ADCY9: variants seen among roughly 807,000 people sequenced by gnomAD.
ADCY9 encodes adenylate cyclase 9.
A neutral mutation model predicts 101.5 loss-of-function variants in ADCY9; 50 were observed. The ratio of observed to expected loss-of-function variants is 0.49; its 90% CI spans 0.39 to 0.62. ADCY9 has a LOEUF of 0.62. Among genes scored for constraint, ADCY9 ranks in the 20% least tolerant of loss-of-function variants. ADCY9 has a pLI of 0.00. For missense variants in ADCY9, 1,662 were observed against 1,800.4 expected, an observed-to-expected ratio of 0.92 and a Z score of 1.39; for synonymous variants, 905 against 769.3, an observed-to-expected ratio of 1.18 and a Z score of -2.92.
intron 3 of ADCY9, among the ~76,000 whole-genome samples, chr16:3,995,781 A>T (rs1453603683): frequency 6.6e-6 from 1 of 152,208 alleles, no homozygotes; most frequent in African/African-American, 2.4e-5. Flanking sequence ...TACTATATTA[A>T]ATAAAAGAAA....
At chr16:4,071,021 G>A (rs1239795708) in intron 2 of ADCY9, among the ~76,000 whole-genome samples, 3 of 151,612 alleles carry the variant, frequency 2.0e-5, no homozygotes, top group Non-Finnish European at 4.4e-5. Context: ...CCATCAAAGA[G>A]GCGGGGTTAC....
intron 2 of ADCY9, among the ~76,000 whole-genome samples, chr16:4,039,661 A>G (rs1237387339): frequency 6.7e-6 from 1 of 148,866 alleles, no homozygotes; most frequent in Non-Finnish European, 1.5e-5. Context: ...CCTGGGCAAC[A>G]AGAGTGAAAC....
rs2057054845 is a variant in ADCY9, at chr16:4,103,191, C to T, written c.1693+10559G>A. The stretch of plus-strand genomic sequence containing the variant: ...GACAACTCCAATTGGCGTTGTTTCA[C>T]ACACATGAGAATGCGTGTTTGGGTG... On this transcript the variant is annotated intron_variant, in intron 2 of 10. Coordinates refer to ENST00000294016, the MANE Select transcript of ADCY9 (RefSeq NM_001116.4). 3.3e-5 allele frequency among the ~76,000 whole-genome samples: 5 copies of T among 152,220 alleles called. No homozygotes were observed. The South Asian group carries it at 1.0e-3, about 31-fold the overall frequency.
intron 8 of ADCY9, 74 bp from the exon 9 acceptor site, chr16:3,977,704 A>T (rs1044862149): frequency 1.3e-6 from 2 of 1,514,806 alleles, no homozygotes; most frequent in Non-Finnish European, 1.8e-6. Flanking sequence ...CCGCCAAAAC[A>T]TTCGCCACTA....
chr16:4,052,345 G>A (rs1260677186), intron 2 of ADCY9, among the ~76,000 whole-genome samples: 1 of 152,168 alleles, frequency 6.6e-6, no homozygotes, highest in Non-Finnish European at 1.5e-5. Flanking sequence ...CCTGATTTGG[G>A]CAGGTCGGTG....
chr16:3,962,412 T>C (rs2055945590), downstream of ADCY9, among the ~76,000 whole-genome samples: 1 of 152,338 alleles, frequency 6.6e-6, no homozygotes, highest in South Asian at 2.1e-4. Context: ...TAAAAAATTC[T>C]GTGTAAAAAT....
chr16:4,097,057 T>C (rs543235648), intron 2 of ADCY9, among the ~76,000 whole-genome samples: 1 of 152,252 alleles, frequency 6.6e-6, no homozygotes, highest in East Asian at 1.9e-4. Context: ...AAGATAAATA[T>C]ACTTCTTGAA....
intron 2 of ADCY9, among the ~76,000 whole-genome samples, chr16:4,074,604 C>A (rs2056855290): frequency 6.7e-6 from 1 of 150,262 alleles, no homozygotes; most frequent in African/African-American, 2.4e-5. Flanking sequence ...ATATTCCCAG[C>A]TACTTGGGCG....
intron 2 of ADCY9, among the ~76,000 whole-genome samples, chr16:4,021,593 C>A (rs969717445): frequency 1.3e-5 from 2 of 152,342 alleles, no homozygotes; most frequent in South Asian, 4.1e-4. Flanking sequence ...AAACGCCTGC[C>A]CCCTGCTTCT....
chr16:4,068,784 T>A (rs1054585824), intron 2 of ADCY9, among the ~76,000 whole-genome samples: 1 of 148,032 alleles, frequency 6.8e-6, no homozygotes, highest in Non-Finnish European at 1.5e-5. Flanking sequence ...GCCACTGCAC[T>A]CCAGCATGAG....
chr16:4,071,332 CAAAAAAAAAAAAAAAAAAAA>C (rs530420293), intron 2 of ADCY9, among the ~76,000 whole-genome samples: 2 of 70,524 alleles, frequency 2.8e-5, no homozygotes, highest in South Asian at 5.2e-4. Flanking sequence ...ACTCAGTCTC[CAAAAAAAAAAAAAAAAAAAA>C]AAAAAAAAAA....
At chr16:4,044,106 G>C (rs1158333598) in intron 2 of ADCY9, among the ~76,000 whole-genome samples, 1 of 152,040 alleles carries the variant, frequency 6.6e-6, no homozygotes, top group African/African-American at 2.4e-5. Context: ...CAGCACTTTG[G>C]GAGACCCAGG....
chr16:4,023,993 T>C (rs2056496175), intron 2 of ADCY9, among the ~76,000 whole-genome samples: 1 of 152,082 alleles, frequency 6.6e-6, no homozygotes. Context: ...CACAGTTCGA[T>C]TCTTTCTTAT....
chr16:4,092,155 C>A (rs913719506), intron 2 of ADCY9, among the ~76,000 whole-genome samples: 1 of 152,048 alleles, frequency 6.6e-6, no homozygotes, highest in Admixed American at 6.6e-5. Flanking sequence ...CTGTAATCAC[C>A]GGTACTTGGG....
chr16:4,094,373 T>C (rs1406576820), intron 2 of ADCY9, among the ~76,000 whole-genome samples: 1 of 152,214 alleles, frequency 6.6e-6, no homozygotes, highest in Admixed American at 6.5e-5. Flanking sequence ...ATGACAACCC[T>C]GTCCTTCAGA....
intron 2 of ADCY9, among the ~76,000 whole-genome samples, chr16:4,042,721 G>A (rs544362954): frequency 4.7e-4 from 72 of 152,270 alleles, no homozygotes; most frequent in African/African-American, 1.5e-3. Flanking sequence ...CTAGACCAGC[G>A]CTGACATGAA....
chr16:4,006,054 G>A (rs893775558), intron 3 of ADCY9, among the ~76,000 whole-genome samples: 1 of 152,144 alleles, frequency 6.6e-6, no homozygotes, highest in Non-Finnish European at 1.5e-5. Flanking sequence ...TTACACATGT[G>A]CCAAGAGTAC....
chr16:4,073,584 C>A (rs144141496), intron 2 of ADCY9, among the ~76,000 whole-genome samples: 2,009 of 152,178 alleles, frequency 0.013, 32 homozygotes, highest in African/African-American at 0.045. Flanking sequence ...TTAGTAGAGA[C>A]AGGGTTTTGC....
intron 2 of ADCY9, among the ~76,000 whole-genome samples, chr16:4,058,409 G>A (rs1368233877): frequency 2.0e-5 from 3 of 150,994 alleles, no homozygotes; most frequent in African/African-American, 7.3e-5. Flanking sequence ...AGGTTGCAGT[G>A]AGCCAAGATC....
Sources: allele counts gnomAD v4.1 joint callset (sites outside exome capture counted in the v4.1 genomes callset), GRCh38; gene constraint gnomAD v4.1.1; transcripts MANE v1.5; gene names NCBI Gene and HGNC (gene_info 2026-07-23, HGNC 2026-07-21).